SMYD3: variants seen among roughly 807,000 people sequenced by gnomAD.
SMYD3 encodes the protein histone-lysine N-methyltransferase SMYD3.
Under a neutral mutation model 57.7 loss-of-function variants are expected in SMYD3, and 36 were observed. That is an observed-to-expected ratio of 0.62 (90% CI 0.48 to 0.82). SMYD3 has a LOEUF of 0.82. SMYD3 is among the 40% of genes least tolerant of loss of function. SMYD3 has a pLI of 0.00. For missense variants in SMYD3, 515 were observed against 538.8 expected, an observed-to-expected ratio of 0.96 and a Z score of 0.44; for synonymous variants, 211 against 195.0, an observed-to-expected ratio of 1.08 and a Z score of -0.68.
chr1:245,789,137 G>C (rs2047165884), intron 10 of SMYD3, among the ~76,000 whole-genome samples: 1 of 152,180 alleles, frequency 6.6e-6, no homozygotes, highest in African/African-American at 2.4e-5. Flanking sequence ...ATGAAATGTA[G>C]GTATGACAAG....
intron 5 of SMYD3, among the ~76,000 whole-genome samples, chr1:246,002,216 G>A (rs972908550): frequency 3.3e-5 from 5 of 150,764 alleles, no homozygotes; most frequent in African/African-American, 4.9e-5. Context: ...ATGGAGTCTC[G>A]CTCCGTCACC....
At chr1:245,781,284 GA>G (rs1209764212) in intron 10 of SMYD3, among the ~76,000 whole-genome samples, 2 of 152,196 alleles carry the variant, frequency 1.3e-5, no homozygotes, top group African/African-American at 4.8e-5. Flanking sequence ...ACAACCTTAT[GA>G]GACAGATACT....
At chr1:245,921,570 T>TATATATATATATATATATATACACACAC (rs1231534223) in intron 7 of SMYD3, among the ~76,000 whole-genome samples, 3 of 147,890 alleles carry the variant, frequency 2.0e-5, no homozygotes, top group African/African-American at 7.6e-5. Context: ...TATATATATA[T>TATATATATATATATATATATACACACAC]ACACATACCA....
chr1:245,827,764 C>G (rs2049587104), intron 10 of SMYD3, among the ~76,000 whole-genome samples: 1 of 152,120 alleles, frequency 6.6e-6, no homozygotes, highest in African/African-American at 2.4e-5. Context: ...CTGGGTGGGC[C>G]CTGCCTTATC....
chr1:246,088,228 ACT>A lies in SMYD3; in HGVS notation c.532-158293_532-158292del, dbSNP rs548985101. Among the ~76,000 whole-genome samples the A allele has an allele frequency of 3.1e-4, 46 of 150,284 alleles. No homozygotes were observed. In the East Asian group the frequency reaches 5.5e-3, roughly 18 times the overall value. On this transcript the variant is annotated intron_variant, in intron 5 of 11. Transcript: ENST00000490107. Reference sequence around the variant, plus strand: ...CGCATCAAAACAAGGACACACACACACTCTCTCTCTCTTTCTCTCTCTCTCTC... The same window carrying A: ...CGCATCAAAACAAGGACACACACACACTCTCTCTCTTTCTCTCTCTCTCTC...
chr1:246,493,672 TC>T (rs1402000832), intron 1 of SMYD3, among the ~76,000 whole-genome samples: 1 of 151,926 alleles, frequency 6.6e-6, no homozygotes, highest in Non-Finnish European at 1.5e-5. Flanking sequence ...TTCCAATAGT[TC>T]AAAACCCAGC....
chr1:245,839,224 C>T (rs1197349495), intron 10 of SMYD3, among the ~76,000 whole-genome samples: 1 of 152,152 alleles, frequency 6.6e-6, no homozygotes, highest in Non-Finnish European at 1.5e-5. Context: ...GGCCGGACTG[C>T]AGTGGTGCTA....
chr1:246,474,481 T>C (rs1190077784), intron 1 of SMYD3, among the ~76,000 whole-genome samples: 1 of 131,134 alleles, frequency 7.6e-6, no homozygotes, highest in African/African-American at 3.0e-5. Context: ...ATTGAGCCAC[T>C]GCACTCCAAC....
At chr1:246,365,619 C>G (rs1308682681) in intron 1 of SMYD3, among the ~76,000 whole-genome samples, 2 of 151,928 alleles carry the variant, frequency 1.3e-5, no homozygotes, top group African/African-American at 4.8e-5. Context: ...CCTCGACTCT[C>G]CCCATAAAAA....
chr1:246,167,503 T>C (rs1369196223), intron 5 of SMYD3, among the ~76,000 whole-genome samples: 2 of 149,600 alleles, frequency 1.3e-5, no homozygotes, highest in African/African-American at 4.9e-5. Context: ...CTCATTACGG[T>C]TTTTTTTTCT....
At chr1:246,443,811 C>G (rs577958846) in intron 1 of SMYD3, among the ~76,000 whole-genome samples, 1 of 152,162 alleles carries the variant, frequency 6.6e-6, no homozygotes, top group Non-Finnish European at 1.5e-5. Context: ...AGATTTCACT[C>G]TTTTACTTAA....
At chr1:246,060,965 C>T (rs1026131211) in intron 5 of SMYD3, among the ~76,000 whole-genome samples, 3 of 152,200 alleles carry the variant, frequency 2.0e-5, no homozygotes, top group Non-Finnish European at 4.4e-5. Flanking sequence ...TGGTGGCTCA[C>T]GCCTCTAATC....
At chr1:246,074,213 A>G (rs897192709) in intron 5 of SMYD3, among the ~76,000 whole-genome samples, 10 of 152,196 alleles carry the variant, frequency 6.6e-5, no homozygotes, top group Non-Finnish European at 1.5e-4. Flanking sequence ...GGATATCTAG[A>G]TAAGATCAAA....
intron 4 of SMYD3, among the ~76,000 whole-genome samples, chr1:246,330,086 A>G (rs527602029): frequency 6.6e-6 from 1 of 152,294 alleles, no homozygotes; most frequent in South Asian, 2.1e-4. Flanking sequence ...TAATGTCTAA[A>G]AGATCAGTAA....
chr1:245,791,609 A>C (rs2047273480), intron 10 of SMYD3, among the ~76,000 whole-genome samples: 1 of 134,412 alleles, frequency 7.4e-6, no homozygotes, highest in Non-Finnish European at 1.6e-5. Flanking sequence ...AGAGGACGGG[A>C]GAAAGAGAGA....
rs1270504010 is a variant in SMYD3 at position 245,843,526 on chromosome 1, A to ATG, written c.1076+14968_1076+14969dup. ...AATCAGAAATGTTTCATATACATGA[A>ATG]TGTGTATATATATATGTGTGTGTGT... On this transcript the variant is annotated intron_variant, in intron 10 of 11. Coordinates refer to ENST00000490107, the MANE Select transcript of SMYD3 (RefSeq NM_001167740.2). Among the ~76,000 whole-genome samples the ATG allele has an allele frequency of 2.1e-4, 24 of 111,742 alleles. 2 individuals carry two copies. The highest frequency in any genetic ancestry group is 1.0e-3 in the East Asian group (4 of 3,984). 73.3% of individuals were successfully genotyped at this position (111,742 alleles called of 152,430 possible).
intron 5 of SMYD3, among the ~76,000 whole-genome samples, chr1:245,934,294 C>T (rs111662465): frequency 0.021 from 3,170 of 152,292 alleles, 117 homozygotes; most frequent in African/African-American, 0.072. Context: ...GAAGCAGAAG[C>T]TTTTACACTA....
At chr1:246,506,290 C>A (rs1278877166) in intron 1 of SMYD3, among the ~76,000 whole-genome samples, 1 of 152,164 alleles carries the variant, frequency 6.6e-6, no homozygotes, top group East Asian at 1.9e-4. Flanking sequence ...CACTTTACAC[C>A]GGCACAGCGC....
At chr1:246,307,656 T>C (rs2065008245) in intron 5 of SMYD3, among the ~76,000 whole-genome samples, 1 of 152,006 alleles carries the variant, frequency 6.6e-6, no homozygotes, top group Non-Finnish European at 1.5e-5. Context: ...CCTGACCTCA[T>C]GATCCGCCCG....
Sources: gnomAD v4.1 joint callset for allele counts (sites outside exome capture counted in the v4.1 genomes callset) on GRCh38, gnomAD v4.1.1 for gene constraint, MANE v1.5 for transcripts, NCBI Gene and HGNC (gene_info 2026-07-23, HGNC 2026-07-21) for gene names.